GEMIN5: variants seen among roughly 807,000 people sequenced by gnomAD.
GEMIN5 encodes the protein gem nuclear organelle associated protein 5, also known as gem-associated protein 5.
In GEMIN5, 124 loss-of-function variants were observed where a neutral mutation model predicts 176.9. The ratio of observed to expected loss-of-function variants is 0.70; its 90% CI spans 0.61 to 0.81. The LOEUF (loss-of-function observed/expected upper bound fraction) is 0.81, where lower values mean the gene tolerates loss of function less well. GEMIN5 is among the 40% of genes least tolerant of loss of function. The pLI is 0.00. For missense variants in GEMIN5, 1,843 were observed against 1,814.6 expected, an observed-to-expected ratio of 1.02 and a Z score of -0.28; for synonymous variants, 673 against 665.2, an observed-to-expected ratio of 1.01 and a Z score of -0.18.
intron 17 of GEMIN5, among the ~76,000 whole-genome samples, chr5:154,905,162 C>G (rs923410045): frequency 6.6e-6 from 1 of 152,042 alleles, no homozygotes; most frequent in Non-Finnish European, 1.5e-5. Context: ...CCACTGCACT[C>G]CAGCCTGGGT....
chr5:154,901,914 C>T (rs768652423), intron 20 of GEMIN5, among the ~76,000 whole-genome samples: 5 of 152,160 alleles, frequency 3.3e-5, no homozygotes, highest in South Asian at 2.1e-4. Flanking sequence ...GATCCTCCCA[C>T]CACAGCCTCC....
chr5:154,888,398 G>T, intron 27 of GEMIN5, 21 bp from the exon 28 acceptor site: 2 of 1,604,036 alleles, frequency 1.2e-6, no homozygotes, highest in Non-Finnish European at 1.7e-6. Context: ...ATGACATGAG[G>T]ATGAATAAGG....
At chr5:154,889,011 G>A (rs1763166333) in intron 27 of GEMIN5, among the ~76,000 whole-genome samples, 1 of 151,942 alleles carries the variant, frequency 6.6e-6, no homozygotes, top group South Asian at 2.1e-4. Context: ...CGAGTAACTG[G>A]GACTACAGGC....
chr5:154,924,760 C>T (rs547737157), intron 8 of GEMIN5, among the ~76,000 whole-genome samples: 1 of 152,172 alleles, frequency 6.6e-6, no homozygotes, highest in East Asian at 1.9e-4. Flanking sequence ...GAGGCAGAGG[C>T]GGGCGGATCA....
At chr5:154,890,747 T>C (rs1250241488) in intron 26 of GEMIN5, among the ~76,000 whole-genome samples, 1 of 151,990 alleles carries the variant, frequency 6.6e-6, no homozygotes, top group East Asian at 1.9e-4. Context: ...ACAGGGTACA[T>C]GCCACCACAC....
chr5:154,920,687 C>T (rs1317688689), intron 10 of GEMIN5, among the ~76,000 whole-genome samples: 2 of 152,206 alleles, frequency 1.3e-5, no homozygotes, highest in Non-Finnish European at 2.9e-5. Flanking sequence ...AATTCCAATG[C>T]TACTTGAGTT....
At chr5:154,898,038 T>C (rs1339565756) in intron 23 of GEMIN5, among the ~76,000 whole-genome samples, 4 of 151,030 alleles carry the variant, frequency 2.6e-5, no homozygotes, top group South Asian at 2.1e-4. Flanking sequence ...TAAGCTAGGA[T>C]TACAGAAGCG....
At chr5:154,907,217 T>C (rs902485524) in intron 16 of GEMIN5, among the ~76,000 whole-genome samples, 6 of 152,130 alleles carry the variant, frequency 3.9e-5, no homozygotes, top group Non-Finnish European at 5.9e-5. Flanking sequence ...AGGTCAGACA[T>C]TTGTAAGGGA....
At chr5:154,933,073 T>TA (rs1015106376) in intron 3 of GEMIN5, among the ~76,000 whole-genome samples, 4 of 152,110 alleles carry the variant, frequency 2.6e-5, no homozygotes, top group African/African-American at 9.7e-5. Context: ...TTCAGATACA[T>TA]AAAAAAAGTA....
chr5:154,927,247 T>C, intron 7 of GEMIN5, 138 bp downstream of exon 7: 1 of 578,884 alleles, frequency 1.7e-6, no homozygotes. Flanking sequence ...TATTCAGTGC[T>C]GATCTGTAGC....
At chr5:154,890,929 A>AATAT (rs1363101933) in intron 26 of GEMIN5, among the ~76,000 whole-genome samples, 1 of 152,022 alleles carries the variant, frequency 6.6e-6, no homozygotes, top group Non-Finnish European at 1.5e-5. Context: ...ATACCCAGCT[A>AATAT]ATTTTTAGTA....
At chr5:154,908,212 CTCT>C (rs1054649150) in intron 15 of GEMIN5, among the ~76,000 whole-genome samples, 24 of 115,090 alleles carry the variant, frequency 2.1e-4, no homozygotes, top group Non-Finnish European at 3.1e-4. Flanking sequence ...GATGGTTTCG[CTCT>C]TCTTGCCCCG....
chr5:154,929,744 T>TA lies in GEMIN5; in HGVS notation c.782-1086dup, dbSNP rs148897371. Among the ~76,000 whole-genome samples, 787 of 152,288 alleles carry TA rather than the reference T, an allele frequency of 5.2e-3. 5 individuals carry two copies. The highest frequency in any genetic ancestry group is 0.018 in the African/African-American group (738 of 41,546). On this transcript the variant is annotated intron_variant, in intron 5 of 27. Coordinates refer to ENST00000285873, the MANE Select transcript of GEMIN5 (RefSeq NM_015465.5). ...ATGCCAAGAAGTAGCCTGTAAACCT[T>TA]AAAAAAGTTCTGTCTTCCCAAATTA...
Position 154,924,192 on chromosome 5 carries a change from C to A in GEMIN5, c.1379+277G>T, listed in dbSNP as rs1321170111. Among the ~76,000 whole-genome samples the A allele has an allele frequency of 2.0e-5, 3 of 152,174 alleles. No homozygotes were observed. The East Asian group carries it at 5.8e-4, about 29-fold the overall frequency. On this transcript the variant is annotated intron_variant, in intron 9 of 27. Coordinates refer to ENST00000285873, the MANE Select transcript of GEMIN5 (RefSeq NM_015465.5). ...TGGCACCTTTCAAGTGATCAGTAAT[C>A]ACCTGTGGTTAATGACTACTGTAGT... is the stretch of plus-strand genomic sequence containing the variant.
intron 13 of GEMIN5, among the ~76,000 whole-genome samples, chr5:154,914,172 C>T (rs992662330): frequency 3.3e-5 from 5 of 152,138 alleles, no homozygotes; most frequent in Non-Finnish European, 7.3e-5. Flanking sequence ...AGGCATGCAC[C>T]ACCAAGCCCA....
At chr5:154,895,336 GAA>G (rs370508883) in intron 24 of GEMIN5, among the ~76,000 whole-genome samples, 16 of 75,664 alleles carry the variant, frequency 2.1e-4, no homozygotes, top group East Asian at 4.0e-4. Flanking sequence ...CTCCAGAAAG[GAA>G]AAAAAAAAAA....
chr5:154,912,992 G>C lies in GEMIN5; in HGVS notation c.1902C>G (p.Thr634=), dbSNP rs1180005973. 2 of 1,613,326 alleles carry C rather than the reference G, an allele frequency of 1.2e-6. No homozygotes were observed. Among genetic ancestry groups the C allele is most frequent in the Non-Finnish European group, 8.5e-7 (1 of 1,179,442 alleles). Residue 634 remains threonine (T), a synonymous_variant, in exon 14 of 28, where the codon ACC becomes ACG. Transcript: ENST00000285873. ...TAATCTTGGCCGTATGCCCTGAGAGGGTCCGGTAGGGCTCTGTAATGGTCA... is the reference window on the plus strand; with the variant it reads ...TAATCTTGGCCGTATGCCCTGAGAGCGTCCGGTAGGGCTCTGTAATGGTCA... ...SPVTITEPYR[T]LSGHTAKITS...
At chr5:154,903,333 C>T (rs748555578) in intron 18 of GEMIN5, among the ~76,000 whole-genome samples, 158 bp from the exon 19 acceptor site, 13 of 152,168 alleles carry the variant, frequency 8.5e-5, no homozygotes, top group Middle Eastern at 3.4e-3. Flanking sequence ...GGGAGCAAAA[C>T]ACAAAAACAC....
intron 9 of GEMIN5, among the ~76,000 whole-genome samples, chr5:154,922,197 T>A (rs371951291): frequency 2.0e-4 from 31 of 152,366 alleles, no homozygotes; most frequent in African/African-American, 7.0e-4. Flanking sequence ...AGACGGAGTC[T>A]CGCTCTGTCA....
Sources: allele counts gnomAD v4.1 joint callset (sites outside exome capture counted in the v4.1 genomes callset), GRCh38; gene constraint gnomAD v4.1.1; transcripts MANE v1.5; gene names NCBI Gene and HGNC (gene_info 2026-07-23, HGNC 2026-07-21).